RALGAPB: variants seen among roughly 807,000 people sequenced by gnomAD.
The protein encoded by RALGAPB is ral GTPase-activating protein subunit beta.
Under a neutral mutation model 161.1 loss-of-function variants are expected in RALGAPB, and 25 were observed. The ratio of observed to expected loss-of-function variants is 0.16; its 90% CI spans 0.11 to 0.22. The LOEUF (loss-of-function observed/expected upper bound fraction) is 0.22. RALGAPB is among the 10% of genes least tolerant of loss of function. The pLI, the probability that RALGAPB is intolerant of heterozygous loss-of-function variation, is 1.00. For synonymous variants in RALGAPB, 629 were observed against 626.1 expected, an observed-to-expected ratio of 1.00 and a Z score of -0.07; for missense variants, 1,391 against 1,815.2, an observed-to-expected ratio of 0.77 and a Z score of 4.25.
intron 3 of RALGAPB, among the ~76,000 whole-genome samples, chr20:38,494,152 T>C (rs2085349354): frequency 6.6e-6 from 1 of 152,216 alleles, no homozygotes. Flanking sequence ...CACTGTTTTA[T>C]TGCTTATCTT....
chr20:38,541,198 G>C lies in RALGAPB; in HGVS notation c.2714+6G>C, dbSNP rs1234253977. ...GCTGAAGCCACCCTAACATGGTATG[G>C]AAGTGACCGCACAGGGATTGTGCCT... On this transcript the variant is annotated splice_donor_region_variant and intron_variant, in intron 18 of 29. Transcript: ENST00000262879. 6.2e-7 allele frequency: 1 copy of C among 1,613,396 alleles called. No individual in the cohort carries two copies. The highest frequency in any genetic ancestry group is 1.3e-5 in the African/African-American group (1 of 74,904).
intron 1 of RALGAPB, among the ~76,000 whole-genome samples, chr20:38,474,141 C>T (rs1025312462): frequency 2.0e-5 from 3 of 152,240 alleles, no homozygotes; most frequent in Admixed American, 1.3e-4. Flanking sequence ...CCTAAATATA[C>T]AGTACTTATA....
intron 17 of RALGAPB, 117 bp downstream of exon 17, chr20:38,540,075 A>G (rs2086921669): frequency 3.5e-6 from 3 of 863,684 alleles, no homozygotes; most frequent in Non-Finnish European, 5.1e-6. Context: ...AACTGAAAAT[A>G]CTTGTTAGAT....
chr20:38,481,946 A>G (rs890595389), intron 1 of RALGAPB, among the ~76,000 whole-genome samples: 5 of 152,190 alleles, frequency 3.3e-5, no homozygotes, highest in African/African-American at 9.7e-5. Context: ...CATTTCTACC[A>G]CTAAGTTAAA....
chr20:38,489,245 G>A (rs558110953), intron 2 of RALGAPB, among the ~76,000 whole-genome samples: 10 of 152,158 alleles, frequency 6.6e-5, no homozygotes, highest in Admixed American at 1.3e-4. Context: ...GTGGCACCAC[G>A]GCTCACTGCA....
In RALGAPB at chr20:38,489,407, G is replaced by A. The variant is rs1317787587; in HGVS notation, c.186+789G>A. 2.0e-5 allele frequency among the ~76,000 whole-genome samples: 3 copies of A among 152,146 alleles called. No individual in the cohort carries two copies. The East Asian group carries it at 5.8e-4, about 29-fold the overall frequency. On this transcript the variant is annotated intron_variant, in intron 2 of 29. Coordinates refer to ENST00000262879, the MANE Select transcript of RALGAPB (RefSeq NM_020336.4). ...ATGTTGCCCAGGTTGGGTGTTTACT[G>A]TTTCTAAAGATAGGGGCTCTTGGAA...
intron 22 of RALGAPB, among the ~76,000 whole-genome samples, chr20:38,556,500 G>A (rs779896482): frequency 1.3e-5 from 2 of 151,974 alleles, no homozygotes; most frequent in African/African-American, 4.8e-5. Context: ...ACTTAAGGTT[G>A]CCATACAAAA....
intron 7 of RALGAPB, 99 bp from the exon 8 acceptor site, chr20:38,517,405 CTA>C: frequency 8.3e-7 from 1 of 1,203,740 alleles, no homozygotes; most frequent in Non-Finnish European, 1.2e-6. Context: ...CTGCTATAGT[CTA>C]TGTGTCCCAA....
Position 38,578,563 on chromosome 20 carries a change from T to G in RALGAPB, c.*3596T>G, listed in dbSNP as rs565401787. On this transcript the variant is annotated 3_prime_UTR_variant, in exon 30 of 30. Transcript: ENST00000262879. Reference sequence around the variant, plus strand: ...TGTGGCTAAAAAATAAGCAGTATCATTATTTGCTTGAAATCATATATACAG... The same window carrying G: ...TGTGGCTAAAAAATAAGCAGTATCAGTATTTGCTTGAAATCATATATACAG... 1 of 152,766 alleles carries G rather than the reference T, an allele frequency of 6.5e-6. No individual in the cohort carries two copies. The highest frequency in any genetic ancestry group is 2.4e-5 in the African/African-American group (1 of 41,578). 9.5% of individuals were successfully genotyped at this position (152,766 alleles called of 1,614,324 possible).
Position 38,516,129 on chromosome 20 carries a change from C to T in RALGAPB, c.873-63C>T, listed in dbSNP as rs913208134. On this transcript the variant is annotated intron_variant, in intron 6 of 29. Coordinates refer to ENST00000262879, the MANE Select transcript of RALGAPB (RefSeq NM_020336.4). ...ACAGTCCTATTCTTAAATTAGATTA[C>T]GTGTATTTTATTGCTATAGAAATTT... is the stretch of plus-strand genomic sequence containing the variant. The T allele has an allele frequency of 2.2e-5, 27 of 1,250,684 alleles. No homozygotes were observed. In the East Asian group the frequency reaches 2.8e-4, roughly 13 times the overall value. 77.5% of individuals were successfully genotyped at this position (1,250,684 alleles called of 1,614,324 possible). A position where few individuals can be genotyped will look rare whatever the true frequency, so the allele number is the denominator to read the frequency against.
chr20:38,552,140 A>ATTT (rs11482026), intron 21 of RALGAPB, among the ~76,000 whole-genome samples: 2 of 144,844 alleles, frequency 1.4e-5, no homozygotes, highest in Admixed American at 6.9e-5. Flanking sequence ...GAAAAGGCTG[A>ATTT]TTTTTTTTTT....
Position 38,516,461 on chromosome 20 carries a change from G to A in RALGAPB, c.1051+91G>A, listed in dbSNP as rs805556. The A allele has an allele frequency of 9.7e-3, 11,712 of 1,203,878 alleles. 855 individuals carry two copies. In the African/African-American group the frequency reaches 0.16, roughly 16 times the overall value. The allele number at this position is 1,203,878 out of a possible 1,614,324, so 74.6% of individuals were successfully genotyped here. Reference sequence around the variant, plus strand: ...TAGGAGTTATTAGAAAACATCCGAAGGAAAAGATGAACAGATTTGATGACA... The same window carrying A: ...TAGGAGTTATTAGAAAACATCCGAAAGAAAAGATGAACAGATTTGATGACA... On this transcript the variant is annotated intron_variant, in intron 7 of 29. Transcript: ENST00000262879.
chr20:38,534,973 G>A (rs2086759776), intron 15 of RALGAPB, 101 bp from the exon 16 acceptor site: 1 of 1,390,032 alleles, frequency 7.2e-7, no homozygotes. Flanking sequence ...CGTTCTCACT[G>A]TGGCTGCTGT....
intron 28 of RALGAPB, among the ~76,000 whole-genome samples, chr20:38,572,475 C>T (rs1476007552): frequency 6.6e-6 from 1 of 152,172 alleles, no homozygotes; most frequent in Non-Finnish European, 1.5e-5. Context: ...GCCTTTGACC[C>T]CAAATGCATT....
At chr20:38,547,526 T>A (rs1228707351) in intron 19 of RALGAPB, 1 of 152,226 alleles carries the variant, frequency 6.6e-6, no homozygotes, top group Non-Finnish European at 1.5e-5. Flanking sequence ...TGCTCAGTGA[T>A]TAAAGATTTG....
chr20:38,508,135 A>G (rs2085821919), intron 5 of RALGAPB, among the ~76,000 whole-genome samples: 1 of 151,186 alleles, frequency 6.6e-6, no homozygotes, highest in East Asian at 1.9e-4. Flanking sequence ...GTATAATTAC[A>G]TATATAAATA....
intron 16 of RALGAPB, 59 bp from the exon 17 acceptor site, chr20:38,539,717 T>A: frequency 1.3e-6 from 2 of 1,549,848 alleles, no homozygotes; most frequent in Non-Finnish European, 1.8e-6. Context: ...GCAAATGCTT[T>A]GAAATTGGTA....
intron 28 of RALGAPB, among the ~76,000 whole-genome samples, chr20:38,573,179 G>A (rs2088305055): frequency 6.6e-6 from 1 of 151,436 alleles, no homozygotes. Context: ...TGATCCTCCT[G>A]CCTCGGCCTC....
At chr20:38,523,418 C>G (rs1261477148) in intron 10 of RALGAPB, among the ~76,000 whole-genome samples, 5 of 152,150 alleles carry the variant, frequency 3.3e-5, no homozygotes, top group African/African-American at 1.2e-4. Flanking sequence ...AGAAGGCTAT[C>G]ACCATGAACT....
Sources: gnomAD v4.1 joint callset for allele counts (sites outside exome capture counted in the v4.1 genomes callset) on GRCh38, gnomAD v4.1.1 for gene constraint, MANE v1.5 for transcripts, NCBI Gene and HGNC (gene_info 2026-07-23, HGNC 2026-07-21) for gene names.